Variants in MARCHF5 observed in about 807,000 individuals in gnomAD.
MARCHF5 encodes E3 ubiquitin-protein ligase MARCHF5.
In MARCHF5, 5 loss-of-function variants were observed where a neutral mutation model predicts 36.5. The ratio of observed to expected loss-of-function variants is 0.14; its 90% CI spans 0.07 to 0.29. The LOEUF is 0.29. Ranked by LOEUF, MARCHF5 falls within the 10% of genes least tolerant of loss-of-function variation. MARCHF5 has a pLI of 1.00. For synonymous variants in MARCHF5, 103 were observed against 109.9 expected (o/e 0.94, Z 0.39); for missense variants, 179 against 336.3 (o/e 0.53, Z 3.66).
chr10:92,316,176 T>C (rs777640340), intron 2 of MARCHF5, among the ~76,000 whole-genome samples: 1 of 152,194 alleles, frequency 6.6e-6, no homozygotes, highest in Admixed American at 6.5e-5. Context: ...TTTTTAACTT[T>C]TCAAATGAAT....
chr10:92,319,545 C>T (rs1384059502), intron 2 of MARCHF5, among the ~76,000 whole-genome samples: 2 of 151,986 alleles, frequency 1.3e-5, no homozygotes, highest in East Asian at 1.9e-4. Context: ...CTGCCTGTCT[C>T]GGCCTCCCAA....
intron 2 of MARCHF5, among the ~76,000 whole-genome samples, chr10:92,315,029 T>G (rs1170549491): frequency 2.0e-5 from 3 of 152,260 alleles, no homozygotes; most frequent in Non-Finnish European, 4.4e-5. Context: ...TTTCAGGTGG[T>G]GGGCTCTTCA....
intron 2 of MARCHF5, among the ~76,000 whole-genome samples, chr10:92,322,226 A>G (rs912556831): frequency 1.4e-5 from 2 of 138,898 alleles, no homozygotes; most frequent in African/African-American, 5.4e-5. Context: ...CCTGGGCAAC[A>G]AGAGCGAAAC....
At chr10:92,295,407 A>T (rs74841323) in intron 1 of MARCHF5, among the ~76,000 whole-genome samples, 15,347 of 77,148 alleles carry the variant, frequency 0.2, 1,419 homozygotes, top group East Asian at 0.35. Flanking sequence ...TTATTTATTT[A>T]TTTTTTATTT....
intron 2 of MARCHF5, among the ~76,000 whole-genome samples, chr10:92,322,193 G>A (rs1376488111): frequency 2.5e-5 from 3 of 120,830 alleles, no homozygotes; most frequent in Admixed American, 1.1e-4. Flanking sequence ...TCAGTGAGCC[G>A]AGATCACACC....
Position 92,291,216 on chromosome 10 carries a change from C to T in MARCHF5, c.-279C>T. 1.9e-6 allele frequency: 1 copy of T among 529,094 alleles called. No individual in the cohort carries two copies. The highest frequency in any genetic ancestry group is 3.9e-5 in the Admixed American group (1 of 25,446). The allele number at this position is 529,094 out of a possible 1,614,324, so 32.8% of individuals were successfully genotyped here. ...CGGCAGCAACTCGGCGCCCGCGGTC[C>T]ATGGACCGGAACCTCGGGCCGACGG... On this transcript the variant is annotated 5_prime_UTR_variant, in exon 1 of 6. Coordinates refer to ENST00000358935, the MANE Select transcript of MARCHF5 (RefSeq NM_017824.5).
rs1358750672 is a variant in MARCHF5 at position 92,329,398 on chromosome 10, G to GTAC, written c.239-11272_239-11270dup. Among the ~76,000 whole-genome samples the GTAC allele has an allele frequency of 6.6e-5, 10 of 152,252 alleles. No homozygotes were observed. In the East Asian group the frequency reaches 1.9e-3, roughly 29 times the overall value. On this transcript the variant is annotated intron_variant, in intron 2 of 5. Transcript: ENST00000358935. ...GTAAGAATACTTAGATTGTAAAAGG[G>GTAC]TACTATAGAGTAAGAAATATATTTT...
In MARCHF5 at chr10:92,297,413, G is replaced by A. The variant is rs530501770; in HGVS notation, c.35+5884G>A. 2.7e-5 allele frequency among the ~76,000 whole-genome samples: 4 copies of A among 150,624 alleles called. No homozygotes were observed. The South Asian group carries it at 6.3e-4, about 24-fold the overall frequency. Reference sequence around the variant, plus strand: ...TCAAACTCCTGGGCTCAAGTGATCCGCTCGCCTCGGCCTCCCAAAGCTCCC... The same window carrying A: ...TCAAACTCCTGGGCTCAAGTGATCCACTCGCCTCGGCCTCCCAAAGCTCCC... On this transcript the variant is annotated intron_variant, in intron 1 of 5. Coordinates refer to ENST00000358935, the MANE Select transcript of MARCHF5 (RefSeq NM_017824.5).
At chr10:92,294,420 C>T (rs1004215974) in intron 1 of MARCHF5, among the ~76,000 whole-genome samples, 2 of 152,152 alleles carry the variant, frequency 1.3e-5, no homozygotes, top group African/African-American at 4.8e-5. Flanking sequence ...CCAGTTTGGC[C>T]ATTTTTCCCC....
intron 3 of MARCHF5, among the ~76,000 whole-genome samples, chr10:92,342,555 C>T (rs1843592850): frequency 6.6e-6 from 1 of 152,198 alleles, no homozygotes; most frequent in African/African-American, 2.4e-5. Context: ...GTCTTTACCA[C>T]CTGACTTCTT....
At chr10:92,315,248 C>G (rs1164790619) in intron 2 of MARCHF5, among the ~76,000 whole-genome samples, 5 of 152,194 alleles carry the variant, frequency 3.3e-5, no homozygotes, top group Admixed American at 6.5e-5. Flanking sequence ...AGCCATTAAA[C>G]AAAATACTTA....
At chr10:92,348,012 G>A (rs770681746) in intron 3 of MARCHF5, among the ~76,000 whole-genome samples, 4 of 151,782 alleles carry the variant, frequency 2.6e-5, no homozygotes, top group Non-Finnish European at 5.9e-5. Flanking sequence ...GAGAAACCCC[G>A]TCTCTACTAA....
At chr10:92,317,521 TCTTAA>T (rs1475218417) in intron 2 of MARCHF5, among the ~76,000 whole-genome samples, 4 of 151,952 alleles carry the variant, frequency 2.6e-5, no homozygotes, top group South Asian at 4.1e-4. Flanking sequence ...GGAATTGTTT[TCTTAA>T]CTTTGTTTTT....
intron 1 of MARCHF5, among the ~76,000 whole-genome samples, chr10:92,309,346 G>A (rs554826999): frequency 2.1e-4 from 32 of 152,230 alleles, no homozygotes; most frequent in South Asian, 6.2e-4. Context: ...CTGTAAGTCA[G>A]AAACAGATTA....
intron 1 of MARCHF5, among the ~76,000 whole-genome samples, chr10:92,292,011 C>G (rs1241005902): frequency 6.6e-6 from 1 of 151,830 alleles, no homozygotes; most frequent in Non-Finnish European, 1.5e-5. Context: ...TCCCTGAACC[C>G]GCACCCCCCG....
In MARCHF5 at chr10:92,321,749, C is replaced by A. The variant is rs1279324222; in HGVS notation, c.238+10412C>A. Among the ~76,000 whole-genome samples, 4 of 152,126 alleles carry A rather than the reference C, an allele frequency of 2.6e-5. No homozygotes were observed. In the East Asian group the frequency reaches 7.7e-4, roughly 29 times the overall value. ...ACAGGTCTATTCAGATTTTCTATTTCTTCTTGAATTAGTTTTGATAGTTTG... is the reference window on the plus strand; with the variant it reads ...ACAGGTCTATTCAGATTTTCTATTTATTCTTGAATTAGTTTTGATAGTTTG... On this transcript the variant is annotated intron_variant, in intron 2 of 5. Transcript: ENST00000358935.
chr10:92,294,665 C>A (rs1176438534), intron 1 of MARCHF5, among the ~76,000 whole-genome samples: 1 of 152,182 alleles, frequency 6.6e-6, no homozygotes, highest in African/African-American at 2.4e-5. Flanking sequence ...TTGTTTATTT[C>A]TTTAATGCAG....
chr10:92,319,043 C>A (rs959287400), intron 2 of MARCHF5, among the ~76,000 whole-genome samples: 1 of 152,092 alleles, frequency 6.6e-6, no homozygotes, highest in African/African-American at 2.4e-5. Context: ...CTACACTGTA[C>A]TTAATGTTTA....
At chr10:92,320,916 TC>T (rs35295523) in intron 2 of MARCHF5, among the ~76,000 whole-genome samples, 3 of 152,086 alleles carry the variant, frequency 2.0e-5, no homozygotes, top group African/African-American at 7.3e-5. Flanking sequence ...CAGAGCAACT[TC>T]CAGACTTCCA....
Sources: gnomAD v4.1 joint callset for allele counts (sites outside exome capture counted in the v4.1 genomes callset) on GRCh38, gnomAD v4.1.1 for gene constraint, MANE v1.5 for transcripts, NCBI Gene and HGNC (gene_info 2026-07-23, HGNC 2026-07-21) for gene names.